Variants in NSD1 observed in about 807,000 individuals in gnomAD.
NSD1 encodes the protein nuclear receptor binding SET domain protein 1.
In NSD1, 26 loss-of-function variants were observed where a neutral mutation model predicts 242.7. The ratio of observed to expected loss-of-function variants is 0.11; its 90% CI spans 0.08 to 0.15. The LOEUF is 0.15. Among genes scored for constraint, NSD1 ranks in the 10% least tolerant of loss-of-function variants. NSD1 has a pLI of 1.00. For missense variants in NSD1, 2,495 were observed against 3,272.8 expected, an observed-to-expected ratio of 0.76 and a Z score of 5.80; for synonymous variants, 1,106 against 1,178.1, an observed-to-expected ratio of 0.94 and a Z score of 1.25.
rs770688412 is a variant in NSD1, at chr5:177,295,417, G to A, written c.8049G>A (p.Gln2683=). The A allele has an allele frequency of 6.2e-7, 1 of 1,614,192 alleles. No homozygotes were observed. Among genetic ancestry groups the A allele is most frequent in the South Asian group, 1.1e-5 (1 of 91,080 alleles). ...AAAATACACTTCCAGCTCTTAACCAGGCTCCTTCCAGTCACAAGTGTGCAG... is the reference window on the plus strand; with the variant it reads ...AAAATACACTTCCAGCTCTTAACCAAGCTCCTTCCAGTCACAAGTGTGCAG... ...PEQNTLPALN[Q]APSSHKCAES... The change falls in exon 23 of 23, where the codon CAG becomes CAA. Residue 2683 remains glutamine, a synonymous_variant. Transcript: ENST00000439151. This position sits in a 1 kb window ranked among gnomAD's most constrained non-coding sequence, Gnocchi z 4.3.
At chr5:177,221,186 T>A (rs1282668717) in intron 5 of NSD1, among the ~76,000 whole-genome samples, 1 of 152,186 alleles carries the variant, frequency 6.6e-6, no homozygotes, top group East Asian at 1.9e-4. Flanking sequence ...GGCCTCATTT[T>A]TTGTTAAAGT....
rs371411764 is a variant in NSD1 at position 177,211,845 on chromosome 5, A to G, written c.3446A>G (p.Asn1149Ser). The part of the protein sequence containing the change: ...SVMNSENDEL[N>S]GVNQVVPKKR... ...ATGAACAGTGAGAATGATGAACTCA[A>G]TGGTGTAAATCAAGTGGTGCCTAAA... The change falls in exon 5 of 23, where the codon AAT becomes AGT. Residue 1149 changes from asparagine (N) to serine (S), a missense_variant. Physicochemically the swap from Asn to Ser is conservative, Grantham distance 46. This residue lies in a region of NSD1 where 426 missense variants were observed against 411.4 expected (regional missense o/e 1.04). Transcript: ENST00000439151. The G allele has an allele frequency of 9.3e-6, 15 of 1,613,928 alleles. No individual in the cohort carries two copies. In the East Asian group the frequency reaches 2.9e-4, roughly 31 times the overall value.
chr5:177,212,180 G>C lies in NSD1; in HGVS notation c.3781G>C (p.Glu1261Gln), dbSNP rs750411497. 6.2e-7 allele frequency: 1 copy of C among 1,613,694 alleles called. No individual in the cohort carries two copies. The highest frequency in any genetic ancestry group is 1.1e-5 in the South Asian group (1 of 91,046). The change falls in exon 5 of 23, where the codon GAG (glutamate) becomes CAG (glutamine). Residue 1261 changes from glutamate to glutamine, a missense_variant. Coordinates refer to ENST00000439151, the MANE Select transcript of NSD1 (RefSeq NM_022455.5). ...PGIPSLTPQA[E>Q]LPEPAVRSEK... Reference sequence around the variant, plus strand: ...AATTCCCAGTTTGACACCACAGGCTGAGCTCCCTGAACCAGGTAAGGACAT... The same window carrying C: ...AATTCCCAGTTTGACACCACAGGCTCAGCTCCCTGAACCAGGTAAGGACAT...
chr5:177,137,667 C>A (rs1231382330), intron 2 of NSD1, among the ~76,000 whole-genome samples: 1 of 151,942 alleles, frequency 6.6e-6, no homozygotes, highest in African/African-American at 2.4e-5. Context: ...TATATCGTGT[C>A]TTTGTTTTTG....
chr5:177,240,938 G>A (rs1011009265), intron 8 of NSD1, among the ~76,000 whole-genome samples: 1 of 152,042 alleles, frequency 6.6e-6, no homozygotes, highest in Non-Finnish European at 1.5e-5. Context: ...AGGATGTCTT[G>A]AGCCCCAGAG....
At chr5:177,155,542 G>T (rs926333980) in intron 2 of NSD1, among the ~76,000 whole-genome samples, 14 of 147,866 alleles carry the variant, frequency 9.5e-5, no homozygotes, top group Non-Finnish European at 7.4e-5. Flanking sequence ...GGGATTATAG[G>T]CATAAGCCAC....
At chr5:177,260,253 A>C in intron 14 of NSD1, 85 bp downstream of exon 14, 2 of 1,275,526 alleles carry the variant, frequency 1.6e-6, no homozygotes, top group South Asian at 2.5e-5. Flanking sequence ...TTTTCATCAT[A>C]TTGCCACTGG....
chr5:177,190,700 T>C (rs1412134372), intron 2 of NSD1, among the ~76,000 whole-genome samples: 1 of 150,232 alleles, frequency 6.7e-6, no homozygotes, highest in African/African-American at 2.4e-5. Flanking sequence ...GACGGAGTCT[T>C]GCTCTGTCTC....
upstream of NSD1, chr5:177,133,664 G>C (rs1758796869): frequency 6.7e-6 from 1 of 149,374 alleles, no homozygotes; most frequent in African/African-American, 2.4e-5. This position sits in a 1 kb window ranked among gnomAD's most constrained non-coding sequence, Gnocchi z 6.2. Context: ...GCGCTCGGTG[G>C]GGGAAGGGGT....
intron 17 of NSD1, among the ~76,000 whole-genome samples, chr5:177,278,754 T>G (rs1758600695): frequency 6.6e-6 from 1 of 152,222 alleles, no homozygotes; most frequent in African/African-American, 2.4e-5. Flanking sequence ...AATCACACAG[T>G]TCCTGAACAG....
chr5:177,154,658 C>A (rs1221563317), intron 2 of NSD1, among the ~76,000 whole-genome samples: 1 of 152,016 alleles, frequency 6.6e-6, no homozygotes, highest in Admixed American at 6.6e-5. Context: ...ATGTTGAAAT[C>A]TTTCCATTTT....
At position 177,179,407 on chromosome 5, in the gene NSD1, G is replaced by C. The variant is rs188868677; in HGVS notation, c.928-12477G>C. Reference sequence around the variant, plus strand: ...ATTTTGTGTTTTTAGTAGAAACAAGGGTTCTCCATGTTGGTCAGACTGGTC... The same window carrying C: ...ATTTTGTGTTTTTAGTAGAAACAAGCGTTCTCCATGTTGGTCAGACTGGTC... On this transcript the variant is annotated intron_variant, in intron 2 of 22. Coordinates refer to ENST00000439151, the MANE Select transcript of NSD1 (RefSeq NM_022455.5). 2.0e-4 allele frequency among the ~76,000 whole-genome samples: 31 copies of C among 152,236 alleles called. 1 individual carries two copies. The highest frequency in any genetic ancestry group is 5.8e-4 in the African/African-American group (24 of 41,542).
At chr5:177,137,463 T>G (rs1756434697) in intron 2 of NSD1, 1 of 152,244 alleles carries the variant, frequency 6.6e-6, no homozygotes, top group African/African-American at 2.4e-5. Context: ...CTTTTGTTTC[T>G]GTTGATTTGT....
At chr5:177,252,119 T>C (rs533931052) in intron 12 of NSD1, among the ~76,000 whole-genome samples, 1 of 152,292 alleles carries the variant, frequency 6.6e-6, no homozygotes, top group South Asian at 2.1e-4. Flanking sequence ...GAGGAAGATA[T>C]CTGTGTTTAG....
chr5:177,132,603 G>A (rs1212884707), upstream of NSD1, among the ~76,000 whole-genome samples: 1 of 151,960 alleles, frequency 6.6e-6, no homozygotes, highest in Non-Finnish European at 1.5e-5. This position sits in a 1 kb window ranked among gnomAD's most constrained non-coding sequence, Gnocchi z 7.5. Flanking sequence ...CTGGGCGGGG[G>A]CCGCACGGCT....
At chr5:177,146,723 G>T (rs1023993796) in intron 2 of NSD1, among the ~76,000 whole-genome samples, 1 of 151,850 alleles carries the variant, frequency 6.6e-6, no homozygotes, top group Non-Finnish European at 1.5e-5. Flanking sequence ...CTAAATGTTC[G>T]CTGGGTGCAG....
Position 177,210,165 on chromosome 5 carries a change from C to T in NSD1, c.1766C>T (p.Ser589Phe), listed in dbSNP as rs756576788. 3 of 1,609,454 alleles carry T rather than the reference C, an allele frequency of 1.9e-6. No individual in the cohort carries two copies. Among genetic ancestry groups the T allele is most frequent in the Admixed American group, 1.7e-5 (1 of 58,824 alleles). Residue 589 changes from serine (S) to phenylalanine (F), a missense_variant, in exon 5 of 23, where the codon TCT (serine) becomes TTT (phenylalanine). Coordinates refer to ENST00000439151, the MANE Select transcript of NSD1 (RefSeq NM_022455.5). The stretch of plus-strand genomic sequence containing the variant: ...GAATTTGAGACTTCAAATGGTGACT[C>T]TTTATTGGGCTTGCCTGAGGGTGCT... ...KKEFETSNGD[S>F]LLGLPEGALI...
intron 19 of NSD1, among the ~76,000 whole-genome samples, chr5:177,283,262 T>TA (rs1405850132): frequency 1.3e-5 from 2 of 152,344 alleles, no homozygotes; most frequent in South Asian, 4.1e-4. Context: ...CCTTAGTTTT[T>TA]ATAATAAAAC....
chr5:177,142,173 C>T (rs1756878706), intron 2 of NSD1, among the ~76,000 whole-genome samples: 1 of 152,176 alleles, frequency 6.6e-6, no homozygotes, highest in South Asian at 2.1e-4. Flanking sequence ...TATTGCCAAA[C>T]ACGCATTTAC....
Sources: allele counts gnomAD v4.1 joint callset (sites outside exome capture counted in the v4.1 genomes callset), GRCh38; gene constraint gnomAD v4.1.1; regional missense constraint gnomAD v4.1.1; non-coding constraint Gnocchi (gnomAD v3.1); transcripts MANE v1.5; gene names NCBI Gene and HGNC (gene_info 2026-07-23, HGNC 2026-07-21).